ANO8: variants seen among roughly 807,000 people sequenced by gnomAD.
ANO8 encodes the protein anoctamin-8.
A neutral mutation model predicts 120.4 loss-of-function variants in ANO8; 67 were observed. The ratio of observed to expected loss-of-function variants is 0.56; its 90% CI spans 0.46 to 0.68. The LOEUF is 0.68. Ranked by LOEUF, ANO8 falls within the 30% of genes least tolerant of loss-of-function variation. The probability of loss-of-function intolerance (pLI) is 0.00; values close to 1 mark genes in which losing one functional copy is unlikely to be tolerated. For synonymous variants in ANO8, 727 were observed against 759.2 expected (o/e 0.96, Z 0.70); for missense variants, 1,526 against 1,737.6 (o/e 0.88, Z 2.16).
Position 17,324,978 on chromosome 19 carries a change from A to T in ANO8, c.3070T>A (p.Phe1024Ile). 1 of 1,613,206 alleles carries T rather than the reference A, an allele frequency of 6.2e-7. No homozygotes were observed. Among genetic ancestry groups the T allele is most frequent in the South Asian group, 1.1e-5 (1 of 91,078 alleles). ...GACTTGAGGAACTTGAAGCTGAGGAAGGCAGGCAGGCGGGTGTCGCTGCCT... is the reference window on the plus strand; with the variant it reads ...GACTTGAGGAACTTGAAGCTGAGGATGGCAGGCAGGCGGGTGTCGCTGCCT... ...PTGSDTRLPA[F>I]LSFKFLKSPE... Residue 1024 changes from phenylalanine to isoleucine, a missense_variant, in exon 17 of 18, where the codon TTC becomes ATC. This residue lies in a region of ANO8 where 489 missense variants were observed against 548.6 expected (regional missense o/e 0.89). Transcript: ENST00000159087.
At chr19:17,326,646 T>C (rs1433378797) in intron 16 of ANO8, among the ~76,000 whole-genome samples, 2 of 152,176 alleles carry the variant, frequency 1.3e-5, no homozygotes, top group African/African-American at 2.4e-5. Flanking sequence ...TGCTCACTTA[T>C]CACCTGTAGC....
rs763082128 is a variant in ANO8, at chr19:17,327,774, A to G, written c.2333T>C (p.Ile778Thr). 1.2e-6 allele frequency: 2 copies of G among 1,614,154 alleles called. No homozygotes were observed. Among genetic ancestry groups the G allele is most frequent in the Non-Finnish European group, 1.7e-6 (2 of 1,180,006 alleles). ...CTTGAAGGCGTCGCTGCGGATCTCA[A>G]TGAGGTTGTTGACCAGGGCGCACAG... Reference protein sequence around the residue: ...AALCALVNNLIEIRSDAFKLC... With the variant: ...AALCALVNNLTEIRSDAFKLC... Residue 778 changes from isoleucine to threonine, a missense_variant, in exon 14 of 18, where the codon ATT (isoleucine) becomes ACT (threonine). Ile to Thr is a moderately conservative substitution (Grantham distance 89). Transcript: ENST00000159087.
At chr19:17,324,387 CAG>C (rs2074258831) in intron 17 of ANO8, among the ~76,000 whole-genome samples, 1 of 152,018 alleles carries the variant, frequency 6.6e-6, no homozygotes, top group Non-Finnish European at 1.5e-5. Context: ...TGAGCTGGAG[CAG>C]GAGAAGGGTG....
rs1209079371 is a variant in ANO8 at position 17,328,538 on chromosome 19, A to T, written c.1850T>A (p.Val617Asp). Residue 617 changes from valine to aspartate, a missense_variant, in exon 13 of 18, where the codon GTC (valine) becomes GAC (aspartate). Transcript: ENST00000159087. ...CCCCGCGCCGCGCTCAGCGAAGCTGACCTTCTTCAGCCGGAGCCCGCAGTC... is the reference window on the plus strand; with the variant it reads ...CCCCGCGCCGCGCTCAGCGAAGCTGTCCTTCTTCAGCCGGAGCCCGCAGTC... ...LLDCGLRLKK[V>D]SFAERGAGRR... 1.3e-6 allele frequency: 2 copies of T among 1,548,796 alleles called. No homozygotes were observed. Among genetic ancestry groups the T allele is most frequent in the Admixed American group, 3.9e-5 (2 of 51,090 alleles).
intron 5 of ANO8, among the ~76,000 whole-genome samples, chr19:17,331,931 CTTTTTTTT>C (rs71180396): frequency 2.5e-5 from 2 of 78,604 alleles, no homozygotes; most frequent in South Asian, 5.8e-4. Flanking sequence ...CCGCGCCCGG[CTTTTTTTT>C]TTTTTTTTTT....
In ANO8 at chr19:17,328,444, C is replaced by A; in HGVS notation, c.1944G>T (p.Gly648=). The change falls in exon 13 of 18, where the codon GGG becomes GGT. Residue 648 remains glycine, a synonymous_variant. Coordinates refer to ENST00000159087, the MANE Select transcript of ANO8 (RefSeq NM_020959.3). ...EEGSPTMVEK[G]LEPGVFTLAE... The stretch of plus-strand genomic sequence containing the variant: ...CCAGGGTGAACACTCCCGGCTCCAG[C>A]CCCTTCTCCACCATAGTGGGGCTCC... 6.3e-7 allele frequency: 1 copy of A among 1,576,380 alleles called. No individual in the cohort carries two copies. The highest frequency in any genetic ancestry group is 8.6e-7 in the Non-Finnish European group (1 of 1,166,772).
intron 16 of ANO8, 78 bp downstream of exon 16, chr19:17,327,157 A>T: frequency 8.0e-7 from 1 of 1,257,764 alleles, no homozygotes; most frequent in Non-Finnish European, 1.1e-6. Flanking sequence ...CCCTTACGCT[A>T]AGGAATTGGC....
At chr19:17,328,121 G>GGAGAGGCCCCGCCCCCT in intron 13 of ANO8, 41 bp downstream of exon 13, 1 of 1,436,414 alleles carries the variant, frequency 7.0e-7, no homozygotes, top group Non-Finnish European at 9.3e-7. Context: ...TCCCGTCCCC[G>GGAGAGGCCCCGCCCCCT]GCGAGGCCCC....
intron 8 of ANO8, 23 bp from the exon 9 acceptor site, chr19:17,330,527 C>A: frequency 6.7e-7 from 1 of 1,491,084 alleles, no homozygotes. Context: ...AAAGACCGGG[C>A]CCAGCATGAG....
In ANO8 at chr19:17,324,985, C is replaced by G; in HGVS notation, c.3063G>C (p.Leu1021=). 1 of 1,613,054 alleles carries G rather than the reference C, an allele frequency of 6.2e-7. No homozygotes were observed. Among genetic ancestry groups the G allele is most frequent in the Non-Finnish European group, 8.5e-7 (1 of 1,179,922 alleles). ...GGAACTTGAAGCTGAGGAAGGCAGG[C>G]AGGCGGGTGTCGCTGCCTGTGGGTG... ...AQSPTGSDTR[L]PAFLSFKFLK... is the part of the protein sequence containing the mutation. The change falls in exon 17 of 18, where the codon CTG becomes CTC. Residue 1021 remains leucine (L), a synonymous_variant. Coordinates refer to ENST00000159087, the MANE Select transcript of ANO8 (RefSeq NM_020959.3).
chr19:17,327,368 G>A, intron 15 of ANO8, 23 bp from the exon 16 acceptor site: 1 of 1,549,398 alleles, frequency 6.5e-7, no homozygotes, highest in Non-Finnish European at 8.7e-7. Context: ...CAGAGAGGAG[G>A]CTGCAGGCTG....
In ANO8 at chr19:17,329,135, G is replaced by T. The variant is rs1466614699; in HGVS notation, c.1405-152C>A. 20 of 575,196 alleles carry T rather than the reference G, an allele frequency of 3.5e-5. No homozygotes were observed. The East Asian group carries it at 7.0e-4, about 20-fold the overall frequency. The allele number at this position is 575,196 out of a possible 1,614,324, so 35.6% of individuals were successfully genotyped here. ...AACTCCGCTGCTTTGGACGCGCCTC[G>T]ACGCGAGGCCCCCAGCGCTCAGCCA... On this transcript the variant is annotated intron_variant, in intron 12 of 17. Coordinates refer to ENST00000159087, the MANE Select transcript of ANO8 (RefSeq NM_020959.3).
At chr19:17,334,206 C>A (rs1297946978) in intron 1 of ANO8, among the ~76,000 whole-genome samples, 1 of 152,242 alleles carries the variant, frequency 6.6e-6, no homozygotes, top group Admixed American at 6.5e-5. Context: ...AGTCACGCGC[C>A]CAAGGTCACA....
Position 17,328,941 on chromosome 19 carries a change from C to T in ANO8, c.1447G>A (p.Val483Met), listed in dbSNP as rs563077699. ...LLITRQFLQNVREVLQPHLYR... is the reference protein window; with the variant it reads ...LLITRQFLQNMREVLQPHLYR... ...AGGTGCGGCTGCAGGACCTCGCGCA[C>T]GTTCTGGAGGAACTGGCGGGTGATC... The change falls in exon 13 of 18, where the codon GTG (valine) becomes ATG (methionine). Residue 483 changes from valine to methionine, a missense_variant. Coordinates refer to ENST00000159087, the MANE Select transcript of ANO8 (RefSeq NM_020959.3). 28 of 1,509,806 alleles carry T rather than the reference C, an allele frequency of 1.9e-5. No homozygotes were observed. In the East Asian group the frequency reaches 7.3e-4, roughly 39 times the overall value. The allele number at this position is 1,509,806 out of a possible 1,614,324, so 93.5% of individuals were successfully genotyped here.
Position 17,328,618 on chromosome 19 carries a change from C to CTCT in ANO8, c.1769_1770insAGA (p.Glu591dup), listed in dbSNP as rs2074292911. 1.9e-6 allele frequency: 3 copies of CTCT among 1,539,796 alleles called. 1 individual carries two copies. The highest frequency in any genetic ancestry group is 2.6e-6 in the Non-Finnish European group (3 of 1,142,044). Reference sequence around the variant, plus strand: ...CGTCCTCCTCTTCCTCCTCGTCCTCCTCCTCCTCGTCGTCCTCGTCCTCCT... The same window carrying CTCT: ...CGTCCTCCTCTTCCTCCTCGTCCTCCTCTTCCTCCTCGTCGTCCTCGTCCTCCT... On this transcript the variant is annotated inframe_insertion, in exon 13 of 18. Transcript: ENST00000159087.
Position 17,327,585 on chromosome 19 carries a change from A to C in ANO8, c.2419-16T>G. 1 of 1,613,094 alleles carries C rather than the reference A, an allele frequency of 6.2e-7. No homozygotes were observed. Among genetic ancestry groups the C allele is most frequent in the Non-Finnish European group, 8.5e-7 (1 of 1,179,676 alleles). ...CCATCACCTTCTGCAGGGCGGCAGG[A>C]GGGCTCAGGCGGGGTCCAGCCGGCC... On this transcript the variant is annotated splice_polypyrimidine_tract_variant and intron_variant, in intron 14 of 17. Transcript: ENST00000159087.
chr19:17,333,902 AC>A lies in ANO8; in HGVS notation c.107-103del. The A allele has an allele frequency of 1.0e-6, 1 of 974,662 alleles. No homozygotes were observed. Among genetic ancestry groups the A allele is most frequent in the Non-Finnish European group, 1.6e-6 (1 of 636,684 alleles). 60.4% of individuals were successfully genotyped at this position (974,662 alleles called of 1,614,324 possible). Reference sequence around the variant, plus strand: ...CCCCGCCAGGGCTCCTCACCACTCCACCTGGCATTCAAGGCCCCGGGAGCTC... The same window carrying A: ...CCCCGCCAGGGCTCCTCACCACTCCACTGGCATTCAAGGCCCCGGGAGCTC... On this transcript the variant is annotated intron_variant, in intron 1 of 17. Coordinates refer to ENST00000159087, the MANE Select transcript of ANO8 (RefSeq NM_020959.3). The surrounding 1 kb of genome is among the most constrained non-coding windows in gnomAD (Gnocchi z 7.2).
rs2074255099 is a variant in ANO8, at chr19:17,323,836, CTGCGGCGGG to C, written c.3371_3379del (p.Thr1124_Arg1126del). 8.8e-7 allele frequency: 1 copy of C among 1,130,800 alleles called. No individual in the cohort carries two copies. Among genetic ancestry groups the C allele is most frequent in the Non-Finnish European group, 1.1e-6 (1 of 923,252 alleles). 70.0% of individuals were successfully genotyped at this position (1,130,800 alleles called of 1,614,324 possible). On this transcript the variant is annotated inframe_deletion, in exon 18 of 18. Coordinates refer to ENST00000159087, the MANE Select transcript of ANO8 (RefSeq NM_020959.3). ...TGGCGGCGGCGGCGCGGGGCTCCGGCTGCGGCGGGTGCGGAGGGCAGGGGCGCCCACGGG... is the reference window on the plus strand; with the variant it reads ...TGGCGGCGGCGGCGCGGGGCTCCGGCTGCGGAGGGCAGGGGCGCCCACGGG...
chr19:17,328,911 G>A lies in ANO8; in HGVS notation c.1477C>T (p.Arg493Trp), dbSNP rs762329366. Residue 493 changes from arginine (R) to tryptophan (W), a missense_variant, in exon 13 of 18, where the codon CGG (arginine) becomes TGG (tryptophan). This residue lies in a region of ANO8 where 467 missense variants were observed against 425.8 expected (regional missense o/e 1.10). Coordinates refer to ENST00000159087, the MANE Select transcript of ANO8 (RefSeq NM_020959.3). ...VREVLQPHLY[R>W]RLGRGELGLR... Reference sequence around the variant, plus strand: ...CCCAGCTCGCCGCGGCCCAGGCGCCGGTACAGGTGCGGCTGCAGGACCTCG... The same window carrying A: ...CCCAGCTCGCCGCGGCCCAGGCGCCAGTACAGGTGCGGCTGCAGGACCTCG... The A allele has an allele frequency of 1.2e-5, 18 of 1,508,794 alleles. No homozygotes were observed. Among genetic ancestry groups the A allele is most frequent in the Non-Finnish European group, 1.5e-5 (17 of 1,131,742 alleles). 93.5% of individuals were successfully genotyped at this position (1,508,794 alleles called of 1,614,324 possible). A position where few individuals can be genotyped will look rare whatever the true frequency, so the allele number is the denominator to read the frequency against.
Sources: gnomAD v4.1 joint callset for allele counts (sites outside exome capture counted in the v4.1 genomes callset) on GRCh38, gnomAD v4.1.1 for gene constraint, gnomAD v4.1.1 regional missense constraint, Gnocchi (gnomAD v3.1) non-coding constraint, MANE v1.5 for transcripts, NCBI Gene and HGNC (gene_info 2026-07-23, HGNC 2026-07-21) for gene names.